Variants in ANKRD44 observed in about 807,000 individuals in gnomAD.
ANKRD44 encodes ankyrin repeat domain 44.
A neutral mutation model predicts 116.0 loss-of-function variants in ANKRD44; 35 were observed. The ratio of observed to expected loss-of-function variants is 0.30; its 90% CI spans 0.23 to 0.40. The LOEUF (loss-of-function observed/expected upper bound fraction) is 0.40. Among genes scored for constraint, ANKRD44 ranks in the 10% least tolerant of loss-of-function variants. The pLI is 1.00. For missense variants in ANKRD44, 1,014 were observed against 1,242.6 expected, an observed-to-expected ratio of 0.82 and a Z score of 2.77; for synonymous variants, 435 against 461.8, an observed-to-expected ratio of 0.94 and a Z score of 0.74.
intron 2 of ANKRD44, among the ~76,000 whole-genome samples, chr2:197,177,586 G>A (rs2080397186): frequency 6.6e-6 from 1 of 151,948 alleles, no homozygotes; most frequent in South Asian, 2.1e-4. Flanking sequence ...GTGAGTTTGT[G>A]TGTGTGTTTG....
intron 1 of ANKRD44, among the ~76,000 whole-genome samples, chr2:197,290,269 T>G (rs1160137085): frequency 6.6e-6 from 1 of 152,226 alleles, no homozygotes; most frequent in Non-Finnish European, 1.5e-5. Flanking sequence ...TCTATTGTGT[T>G]GCAACTTTTT....
intron 1 of ANKRD44, among the ~76,000 whole-genome samples, chr2:197,278,838 G>T (rs576210384): frequency 1.3e-5 from 2 of 152,168 alleles, no homozygotes; most frequent in Non-Finnish European, 2.9e-5. Flanking sequence ...GAGACTTTTC[G>T]CTTTGGAAAC....
intron 8 of ANKRD44, among the ~76,000 whole-genome samples, chr2:197,115,706 C>T (rs1432747826): frequency 1.3e-5 from 2 of 152,188 alleles, no homozygotes; most frequent in Non-Finnish European, 2.9e-5. Flanking sequence ...AATTGTCTTG[C>T]AATCTACAAA....
intron 1 of ANKRD44, among the ~76,000 whole-genome samples, chr2:197,274,244 T>G (rs115228668): frequency 1.3e-5 from 2 of 152,042 alleles, no homozygotes; most frequent in Admixed American, 1.3e-4. Flanking sequence ...GAAAATTCTC[T>G]CAGCCTCAGT....
At chr2:197,132,854 A>G (rs2079125110) in intron 4 of ANKRD44, among the ~76,000 whole-genome samples, 1 of 152,236 alleles carries the variant, frequency 6.6e-6, no homozygotes, top group African/African-American at 2.4e-5. Context: ...ACGGCAAGCA[A>G]TAGGCATGGC....
chr2:197,172,336 T>G lies in ANKRD44; in HGVS notation c.111+14687A>C, dbSNP rs76783029. 3.6e-3 allele frequency among the ~76,000 whole-genome samples: 541 copies of G among 152,166 alleles called. 2 individuals carry two copies. The highest frequency in any genetic ancestry group is 0.012 in the African/African-American group (502 of 41,510). On this transcript the variant is annotated intron_variant, in intron 2 of 27. Coordinates refer to ENST00000282272, the MANE Select transcript of ANKRD44 (RefSeq NM_001195144.2). ...TTCTTAATAGCTTGAAGAAAGTGGT[T>G]GATAAAGGTGGTAGGTAAGCTGAAA...
chr2:197,292,635 G>T (rs1234390144), intron 1 of ANKRD44, among the ~76,000 whole-genome samples: 1 of 152,134 alleles, frequency 6.6e-6, no homozygotes, highest in Non-Finnish European at 1.5e-5. Context: ...ATGTGCAAGG[G>T]AATACATAGC....
At chr2:197,218,948 C>G in intron 1 of ANKRD44, among the ~76,000 whole-genome samples, 1 of 151,194 alleles carries the variant, frequency 6.6e-6, no homozygotes, top group East Asian at 1.9e-4. Flanking sequence ...TTAGTAGAGA[C>G]AGGGTTTCTC....
In ANKRD44 at chr2:196,986,723, T is replaced by G. The variant is rs188092008; in HGVS notation, c.*2868A>C. 1 of 978,034 alleles carries G rather than the reference T, an allele frequency of 1.0e-6. No homozygotes were observed. Among genetic ancestry groups the G allele is most frequent in the Non-Finnish European group, 1.2e-6 (1 of 823,314 alleles). 60.6% of individuals were successfully genotyped at this position (978,034 alleles called of 1,614,324 possible). On this transcript the variant is annotated 3_prime_UTR_variant, in exon 28 of 28. Transcript: ENST00000282272. The stretch of plus-strand genomic sequence containing the variant: ...TAACCATCTGAATGCATTTCCATAG[T>G]ATATTACAGTTAAGTACTTCATTAC...
chr2:196,999,675 C>T (rs2076079230), intron 23 of ANKRD44, among the ~76,000 whole-genome samples: 1 of 151,924 alleles, frequency 6.6e-6, no homozygotes, highest in Admixed American at 6.6e-5. Flanking sequence ...CTCACTGCAA[C>T]CTCTGCCTCA....
chr2:196,967,912 A>T (rs866050829), intron 21 of ANKRD44, among the ~76,000 whole-genome samples: 130 of 140,902 alleles, frequency 9.2e-4, no homozygotes, highest in African/African-American at 1.0e-3. Flanking sequence ...ATGGCTTGGC[A>T]CTCTCTCTCT....
intron 16 of ANKRD44, among the ~76,000 whole-genome samples, chr2:197,037,868 G>A (rs1314715781): frequency 6.6e-6 from 1 of 152,152 alleles, no homozygotes; most frequent in Non-Finnish European, 1.5e-5. Flanking sequence ...CTTGAGCCCA[G>A]GAGGTTGAGG....
chr2:197,013,948 A>G (rs1486217436), intron 17 of ANKRD44, among the ~76,000 whole-genome samples: 1 of 152,252 alleles, frequency 6.6e-6, no homozygotes, highest in African/African-American at 2.4e-5. Context: ...CTTTTGTCAC[A>G]TAATTTGCTC....
intron 1 of ANKRD44, among the ~76,000 whole-genome samples, chr2:197,291,231 C>A (rs1393874292): frequency 6.6e-6 from 1 of 152,014 alleles, no homozygotes; most frequent in Non-Finnish European, 1.5e-5. Flanking sequence ...AAGATGTGGC[C>A]AGGCGCGGTG....
Position 197,053,917 on chromosome 2 carries a change from G to C in ANKRD44, c.1650+24786C>G, listed in dbSNP as rs141865374. 1.2e-3 allele frequency among the ~76,000 whole-genome samples: 178 copies of C among 152,200 alleles called. 4 individuals are homozygous for C. In the East Asian group the frequency reaches 0.031, roughly 27 times the overall value. On this transcript the variant is annotated intron_variant, in intron 16 of 27. Transcript: ENST00000282272. ...TTGGCTGTGTTGCATGTTGCTAATG[G>C]GTAACATGTTAACCTTTTATTCAAG...
intron 16 of ANKRD44, among the ~76,000 whole-genome samples, chr2:197,066,851 A>T (rs1055738804): frequency 6.6e-6 from 1 of 152,182 alleles, no homozygotes; most frequent in African/African-American, 2.4e-5. Context: ...GAAAATGGCC[A>T]TAATGCCCAA....
intron 23 of ANKRD44, 98 bp downstream of exon 23, chr2:197,000,321 T>C: frequency 1.1e-6 from 1 of 906,742 alleles, no homozygotes; most frequent in Non-Finnish European, 1.7e-6. Context: ...TTATCCATTA[T>C]TCTTTCAATT....
At chr2:197,084,790 AT>A (rs1400476649) in intron 13 of ANKRD44, among the ~76,000 whole-genome samples, 1 of 151,952 alleles carries the variant, frequency 6.6e-6, no homozygotes, top group Non-Finnish European at 1.5e-5. Flanking sequence ...TACCTATTGG[AT>A]TGCATATGTT....
chr2:197,125,696 T>C, intron 5 of ANKRD44, 141 bp downstream of exon 5: 1 of 1,042,392 alleles, frequency 9.6e-7, no homozygotes, highest in Non-Finnish European at 1.4e-6. Flanking sequence ...GCTCTAAAGT[T>C]GAGAATGATA....
Sources: gnomAD v4.1 joint callset for allele counts (sites outside exome capture counted in the v4.1 genomes callset) on GRCh38, gnomAD v4.1.1 for gene constraint, MANE v1.5 for transcripts, NCBI Gene and HGNC (gene_info 2026-07-23, HGNC 2026-07-21) for gene names.